PDE2A: variants seen among roughly 807,000 people sequenced by gnomAD.
PDE2A encodes cGMP-dependent 3',5'-cyclic phosphodiesterase.
PDE2A carries 53 observed loss-of-function variants against 133.6 expected under a neutral mutation model. That is an observed-to-expected ratio of 0.40 (90% confidence interval 0.32 to 0.50). The LOEUF (loss-of-function observed/expected upper bound fraction) is 0.50, where lower values mean the gene tolerates loss of function less well. Ranked by LOEUF, PDE2A falls within the 20% of genes least tolerant of loss-of-function variation. The pLI, the probability that PDE2A is intolerant of heterozygous loss-of-function variation, is 0.73. For synonymous variants in PDE2A, 491 were observed against 490.2 expected, an observed-to-expected ratio of 1.00 and a Z score of -0.02; for missense variants, 796 against 1,232.4, an observed-to-expected ratio of 0.65 and a Z score of 5.30.
intron 2 of PDE2A, among the ~76,000 whole-genome samples, chr11:72,620,949 T>C (rs891091247): frequency 1.3e-5 from 2 of 152,192 alleles, no homozygotes; most frequent in South Asian, 4.2e-4. Flanking sequence ...CTGGTGCTCC[T>C]GTTATTTGGG....
intron 2 of PDE2A, among the ~76,000 whole-genome samples, chr11:72,633,987 C>T (rs1475511073): frequency 1.3e-5 from 2 of 152,192 alleles, no homozygotes; most frequent in Non-Finnish European, 2.9e-5. Context: ...ACAGGACCTT[C>T]CCCTCTCTGA....
At position 72,591,321 on chromosome 11, in the gene PDE2A, C is replaced by G; in HGVS notation, c.525G>C (p.Trp175Cys). ...CATGCTTCTCCACCGCCTGCAGGCT[C>G]CATTCCTCATTATCACTCAGCTGGC... ...HCGQLSDNEE[W>C]SLQAVEKHTL... The change falls in exon 7 of 31, where the codon TGG becomes TGC. Residue 175 changes from tryptophan to cysteine, a missense_variant. Coordinates refer to ENST00000334456, the MANE Select transcript of PDE2A (RefSeq NM_002599.5). 6.2e-7 allele frequency: 1 copy of G among 1,613,976 alleles called. No homozygotes were observed. Among genetic ancestry groups the G allele is most frequent in the Non-Finnish European group, 8.5e-7 (1 of 1,179,878 alleles).
rs1192254015 is a variant in PDE2A at position 72,576,607 on chromosome 11, T to C, written c.*777A>G. On this transcript the variant is annotated 3_prime_UTR_variant, in exon 31 of 31. Transcript: ENST00000334456. ...TTTAGACATTGATCTAAAATGGATC[T>C]TAGAGCATGGATTGTCTTACCCGCT... 5.9e-6 allele frequency: 1 copy of C among 169,514 alleles called. No homozygotes were observed. The highest frequency in any genetic ancestry group is 1.5e-5 in the Non-Finnish European group (1 of 68,366). The allele number at this position is 169,514 out of a possible 1,614,324, so 10.5% of individuals were successfully genotyped here. A position where few individuals can be genotyped will look rare whatever the true frequency, so the allele number is the denominator to read the frequency against.
intron 1 of PDE2A, among the ~76,000 whole-genome samples, chr11:72,671,170 C>G (rs992850951): frequency 2.0e-5 from 3 of 152,166 alleles, no homozygotes; most frequent in African/African-American, 7.2e-5. Flanking sequence ...CACAGCACTG[C>G]TCACCCTGTA....
intron 2 of PDE2A, among the ~76,000 whole-genome samples, chr11:72,624,720 G>A (rs953748990): frequency 2.0e-5 from 3 of 152,282 alleles, no homozygotes; most frequent in South Asian, 2.1e-4. Context: ...TCACACACTC[G>A]GTGTCAGCAT....
intron 2 of PDE2A, among the ~76,000 whole-genome samples, chr11:72,627,696 G>A (rs530226977): frequency 6.6e-6 from 1 of 152,326 alleles, no homozygotes; most frequent in South Asian, 2.1e-4. Context: ...GCCGGTGTTG[G>A]GCAGTGCATT....
intron 4 of PDE2A, among the ~76,000 whole-genome samples, chr11:72,598,173 A>G (rs1449085794): frequency 5.3e-5 from 8 of 152,220 alleles, no homozygotes; most frequent in Admixed American, 5.2e-4. Flanking sequence ...TATGAATTAG[A>G]TATCTTCATT....
At chr11:72,610,978 A>G (rs548626679) in intron 2 of PDE2A, among the ~76,000 whole-genome samples, 1 of 152,332 alleles carries the variant, frequency 6.6e-6, no homozygotes, top group East Asian at 1.9e-4. Context: ...TGATGCCCCC[A>G]GTACTCCCAA....
At chr11:72,626,996 C>G (rs1354028035) in intron 2 of PDE2A, among the ~76,000 whole-genome samples, 1 of 152,188 alleles carries the variant, frequency 6.6e-6, no homozygotes, top group African/African-American at 2.4e-5. Context: ...ATGGACCTCT[C>G]TGACTGCCTA....
intron 2 of PDE2A, among the ~76,000 whole-genome samples, chr11:72,623,778 T>C (rs980683082): frequency 6.6e-6 from 1 of 152,112 alleles, no homozygotes; most frequent in Non-Finnish European, 1.5e-5. Flanking sequence ...GCAAGTTCTG[T>C]CATTTCTGTT....
At position 72,642,290 on chromosome 11, in the gene PDE2A, C is replaced by A; in HGVS notation, c.108G>T (p.Pro36=). 6.6e-7 allele frequency: 1 copy of A among 1,519,518 alleles called. No individual in the cohort carries two copies. Among genetic ancestry groups the A allele is most frequent in the Non-Finnish European group, 8.8e-7 (1 of 1,136,278 alleles). The allele number at this position is 1,519,518 out of a possible 1,614,324, so 94.1% of individuals were successfully genotyped here. A position where few individuals can be genotyped will look rare whatever the true frequency, so the allele number is the denominator to read the frequency against. ...CGGCGCATGGCTGCGGCGGCGGCGG[C>A]GGCTCGTCCGGCTTGAGGAAGACCT... ...GQQVFLKPDE[P]PPPPQPCADS... The change falls in exon 2 of 31, where the codon CCG becomes CCT. Residue 36 remains proline, a synonymous_variant. Coordinates refer to ENST00000334456, the MANE Select transcript of PDE2A (RefSeq NM_002599.5).
intron 2 of PDE2A, among the ~76,000 whole-genome samples, chr11:72,638,416 G>A (rs536406662): frequency 5.3e-5 from 8 of 152,330 alleles, no homozygotes; most frequent in Admixed American, 2.6e-4. Flanking sequence ...GGTGGGTAGA[G>A]GAGAGACCCG....
Position 72,611,693 on chromosome 11 carries a change from G to A in PDE2A, c.145-2942C>T, listed in dbSNP as rs74945203. Among the ~76,000 whole-genome samples, 1,397 of 152,252 alleles carry A rather than the reference G, an allele frequency of 9.2e-3. 10 individuals carry two copies. The highest frequency in any genetic ancestry group is 0.019 in the Admixed American group (287 of 15,306). On this transcript the variant is annotated intron_variant, in intron 2 of 30. Transcript: ENST00000334456. ...CTGATGAAGCCCAGGGCTCTTTGTG[G>A]GCATCCTTCTGTCAATCCACCTCCT... is the stretch of plus-strand genomic sequence containing the variant.
intron 4 of PDE2A, chr11:72,598,439 C>G (rs965492023): frequency 2.6e-6 from 3 of 1,149,126 alleles, no homozygotes; most frequent in East Asian, 5.8e-5. Flanking sequence ...GAATGAGTTT[C>G]TCTCTGTCCC....
At chr11:72,582,602 T>C in intron 20 of PDE2A, 36 bp from the exon 21 acceptor site, 1 of 1,583,726 alleles carries the variant, frequency 6.3e-7, no homozygotes, top group Non-Finnish European at 8.6e-7. Context: ...GAAGACAGCC[T>C]TCACCCCATC....
chr11:72,591,379 C>G (rs761663721), intron 6 of PDE2A, 23 bp from the exon 7 acceptor site: 1 of 1,597,232 alleles, frequency 6.3e-7, no homozygotes, highest in Admixed American at 1.7e-5. Context: ...GAGAAGGGAA[C>G]TAGCTGTGAC....
chr11:72,658,977 G>A (rs1365130544), intron 1 of PDE2A, among the ~76,000 whole-genome samples: 1 of 152,076 alleles, frequency 6.6e-6, no homozygotes, highest in Non-Finnish European at 1.5e-5. Flanking sequence ...ACAGGTGTGA[G>A]CCGCTGTGCC....
chr11:72,654,357 G>A (rs1270202331), intron 1 of PDE2A, among the ~76,000 whole-genome samples: 1 of 152,200 alleles, frequency 6.6e-6, no homozygotes, highest in South Asian at 2.1e-4. Context: ...AAAGTGATTT[G>A]CCCTAACCTC....
intron 1 of PDE2A, among the ~76,000 whole-genome samples, chr11:72,647,142 C>T (rs1040010019): frequency 6.6e-6 from 1 of 152,248 alleles, no homozygotes; most frequent in African/African-American, 2.4e-5. Flanking sequence ...ATCTCACACA[C>T]TTGGTCCTGG....
Sources: allele counts gnomAD v4.1 joint callset (sites outside exome capture counted in the v4.1 genomes callset), GRCh38; gene constraint gnomAD v4.1.1; transcripts MANE v1.5; gene names NCBI Gene and HGNC (gene_info 2026-07-23, HGNC 2026-07-21).